Variants in CDH23 observed in about 807,000 individuals in gnomAD.
CDH23 encodes cadherin related 23, also known as cadherin-23.
Under a neutral mutation model 317.1 loss-of-function variants are expected in CDH23, and 189 were observed. The ratio of observed to expected loss-of-function variants is 0.60; its 90% CI spans 0.53 to 0.67. CDH23 has a LOEUF of 0.67. CDH23 is among the 30% of genes least tolerant of loss of function. CDH23 has a pLI of 0.00. For synonymous variants in CDH23, 1,839 were observed against 1,876.8 expected (o/e 0.98, Z 0.52); for missense variants, 4,401 against 4,592.4 (o/e 0.96, Z 1.20).
intron 40 of CDH23, among the ~76,000 whole-genome samples, chr10:71,779,033 T>A (rs969003945): frequency 6.6e-6 from 1 of 152,232 alleles, no homozygotes; most frequent in Non-Finnish European, 1.5e-5. Context: ...CCACTGTGTC[T>A]GGCCAATAGC....
chr10:71,545,681 G>A (rs1856235795), intron 6 of CDH23, among the ~76,000 whole-genome samples: 1 of 152,178 alleles, frequency 6.6e-6, no homozygotes, highest in African/African-American at 2.4e-5. Context: ...CTTTCATCTA[G>A]TGGGGGAGAC....
chr10:71,671,912 G>C (rs1276018574), intron 14 of CDH23, among the ~76,000 whole-genome samples: 1 of 152,194 alleles, frequency 6.6e-6, no homozygotes, highest in African/African-American at 2.4e-5. Context: ...TCATGAGAAC[G>C]TGGGTGCAGT....
chr10:71,607,012 C>G (rs1279367033), intron 9 of CDH23, among the ~76,000 whole-genome samples: 1 of 152,222 alleles, frequency 6.6e-6, no homozygotes, highest in Non-Finnish European at 1.5e-5. Context: ...TTGAATGTAG[C>G]CCAGCCCAGA....
At chr10:71,462,073 G>A (rs1349593648) in intron 3 of CDH23, among the ~76,000 whole-genome samples, 2 of 152,208 alleles carry the variant, frequency 1.3e-5, no homozygotes, top group Non-Finnish European at 2.9e-5. Context: ...TGGTCGTTTC[G>A]AGAGTCCCCT....
chr10:71,760,846 G>A, intron 38 of CDH23: 1 of 1,607,414 alleles, frequency 6.2e-7, no homozygotes, highest in South Asian at 1.1e-5. Context: ...AACCCAAAAG[G>A]GGCAAGAGGT....
At chr10:71,627,834 C>A (rs184988158) in intron 11 of CDH23, among the ~76,000 whole-genome samples, 299 of 152,322 alleles carry the variant, frequency 2.0e-3, no homozygotes, top group African/African-American at 6.9e-3. Context: ...AGTCATGCTC[C>A]CTCAAAGCAG....
intron 4 of CDH23, among the ~76,000 whole-genome samples, 200 bp downstream of exon 4, chr10:71,510,424 G>A (rs1853901690): frequency 1.3e-5 from 2 of 152,138 alleles, no homozygotes; most frequent in South Asian, 4.1e-4. Flanking sequence ...GGTGGCTAGA[G>A]GTGTCTCCAA....
chr10:71,636,017 G>A (rs1862252438), intron 11 of CDH23, among the ~76,000 whole-genome samples: 1 of 152,048 alleles, frequency 6.6e-6, no homozygotes, highest in African/African-American at 2.4e-5. Flanking sequence ...CCTCCCAAAG[G>A]CCCTGCCCTC....
At chr10:71,576,615 C>T (rs536203263) in intron 8 of CDH23, among the ~76,000 whole-genome samples, 94 of 152,228 alleles carry the variant, frequency 6.2e-4, no homozygotes, top group Non-Finnish European at 9.7e-4. Context: ...GTTGACATTT[C>T]CCTAGGGGGT....
At chr10:71,486,669 T>C (rs1852364683) in intron 3 of CDH23, among the ~76,000 whole-genome samples, 2 of 152,158 alleles carry the variant, frequency 1.3e-5, no homozygotes, top group African/African-American at 4.8e-5. Flanking sequence ...CACAGTTGCA[T>C]GGTCAGTAGG....
intron 47 of CDH23, among the ~76,000 whole-genome samples, chr10:71,792,842 AAAAAAAAAAAATATATATATAT>A (rs1841293868): frequency 1.4e-5 from 1 of 70,872 alleles, no homozygotes; most frequent in Admixed American, 1.5e-4. Context: ...AAAAAAAAAA[AAAAAAAAAAAATATATATATAT>A]ATATATATAT....
Position 71,807,287 on chromosome 10 carries a change from C to G in CDH23, c.8189C>G (p.Pro2730Arg). 6.2e-7 allele frequency: 1 copy of G among 1,613,716 alleles called. No homozygotes were observed. Among genetic ancestry groups the G allele is most frequent in the Non-Finnish European group, 8.5e-7 (1 of 1,179,720 alleles). The change falls in exon 58 of 70, where the codon CCC (proline) becomes CGC (arginine). Residue 2730 changes from proline (P) to arginine (R), a missense_variant. Around this residue, in one of 3 missense-constraint regions of CDH23, gnomAD observed 1,144 missense variants for 1,138.2 expected, o/e 1.01. Transcript: ENST00000224721. ...CCCCTCCCTCTGCAGAAAGGCAGCCCCCAGTACCAGCTGCTGACAGTGCCT... is the reference window on the plus strand; with the variant it reads ...CCCCTCCCTCTGCAGAAAGGCAGCCGCCAGTACCAGCTGCTGACAGTGCCT... ...PLFVRPPKGS[P>R]QYQLLTVPEH... is the part of the protein sequence containing the mutation.
intron 1 of CDH23, among the ~76,000 whole-genome samples, chr10:71,416,792 C>T (rs1848553085): frequency 6.6e-6 from 1 of 152,086 alleles, no homozygotes; most frequent in Non-Finnish European, 1.5e-5. Context: ...CCCAGTCTCC[C>T]AAATAGGTAG....
chr10:71,493,609 T>G (rs1205920379), intron 3 of CDH23, among the ~76,000 whole-genome samples: 1 of 152,184 alleles, frequency 6.6e-6, no homozygotes, highest in East Asian at 1.9e-4. Flanking sequence ...AACAAATAGA[T>G]GTGGGGAAGG....
At chr10:71,564,207 T>C (rs1384928605) in intron 6 of CDH23, among the ~76,000 whole-genome samples, 1 of 152,214 alleles carries the variant, frequency 6.6e-6, no homozygotes, top group African/African-American at 2.4e-5. Context: ...TCTGCAGATC[T>C]GTGTGCATGT....
chr10:71,729,525 T>C (rs933613953), intron 30 of CDH23, among the ~76,000 whole-genome samples: 5 of 152,152 alleles, frequency 3.3e-5, no homozygotes, highest in Non-Finnish European at 7.4e-5. Context: ...GGGACGGAAG[T>C]TCCCAGGCAT....
chr10:71,527,977 T>C (rs998845409), intron 6 of CDH23, among the ~76,000 whole-genome samples: 1 of 152,144 alleles, frequency 6.6e-6, no homozygotes, highest in Non-Finnish European at 1.5e-5. Context: ...GCCTCTCATC[T>C]CATCTCTCTG....
rs144613332 is a variant in CDH23, at chr10:71,591,611, T to C, written c.832+13619T>C. On this transcript the variant is annotated intron_variant, in intron 9 of 69. Coordinates refer to ENST00000224721, the MANE Select transcript of CDH23 (RefSeq NM_022124.6). ...TTTTTTAAGATGATGTTTAAAAAAA[T>C]TAAAGAAAACTACTAAACAAATAAT... Among the ~76,000 whole-genome samples the C allele has an allele frequency of 8.1e-3, 1,234 of 152,214 alleles. 21 individuals are homozygous for C. Among genetic ancestry groups the C allele is most frequent in the East Asian group, 0.029 (148 of 5,184 alleles).
At chr10:71,690,658 A>G in intron 20 of CDH23, 74 bp downstream of exon 20, 2 of 1,035,748 alleles carry the variant, frequency 1.9e-6, no homozygotes, top group Non-Finnish European at 1.5e-6. Context: ...CCCCAGGACC[A>G]GCCTCTGGGC....
Sources: gnomAD v4.1 joint callset for allele counts (sites outside exome capture counted in the v4.1 genomes callset) on GRCh38, gnomAD v4.1.1 for gene constraint, gnomAD v4.1.1 regional missense constraint, MANE v1.5 for transcripts, NCBI Gene and HGNC (gene_info 2026-07-23, HGNC 2026-07-21) for gene names.